The following PTCRA variants were observed in gnomAD, a reference collection of about 807,000 sequenced individuals.
PTCRA encodes pre T cell antigen receptor alpha, also known as pre T-cell antigen receptor alpha.
In PTCRA, 9 loss-of-function variants were observed where a neutral mutation model predicts 13.4. The observed-to-expected ratio is 0.67, with a 90% CI of 0.41 to 1.18. PTCRA has a LOEUF of 1.18. PTCRA is among the 50% of genes most tolerant of loss of function. The probability of loss-of-function intolerance (pLI) is 0.01; values close to 1 mark genes in which losing one functional copy is unlikely to be tolerated. For missense variants in PTCRA, 353 were observed against 359.8 expected (o/e 0.98, Z 0.15); for synonymous variants, 153 against 161.9 (o/e 0.94, Z 0.42).
chr6:42,920,054 C>T (rs1767072076), intron 1 of PTCRA, among the ~76,000 whole-genome samples: 1 of 151,764 alleles, frequency 6.6e-6, no homozygotes, highest in Non-Finnish European at 1.5e-5. Flanking sequence ...GGTGAGGTGG[C>T]TCACGCCTGT....
chr6:42,918,040 G>A lies in PTCRA; in HGVS notation c.58+1913G>A, dbSNP rs144682884. ...GAAGGCCAAGGCGGGCAGATCACTT[G>A]AAGTCAGGAGTTTGAGACCAGCCTG... On this transcript the variant is annotated intron_variant, in intron 1 of 3. Coordinates refer to ENST00000304672, the MANE Select transcript of PTCRA (RefSeq NM_138296.3). Among the ~76,000 whole-genome samples the A allele has an allele frequency of 5.1e-3, 773 of 152,226 alleles. 8 individuals carry two copies. The highest frequency in any genetic ancestry group is 0.018 in the African/African-American group (734 of 41,550).
At chr6:42,917,190 A>ATAT (rs60630405) in intron 1 of PTCRA, among the ~76,000 whole-genome samples, 43,035 of 140,842 alleles carry the variant, frequency 0.31, 7,559 homozygotes, top group Middle Eastern at 0.4. Flanking sequence ...TAACAGCATT[A>ATAT]TATTATTATT....
rs988016453 is a variant in PTCRA, at chr6:42,924,311, G to A, written c.424+38G>A. Reference sequence around the variant, plus strand: ...GGCAAGGGGTGGGGAATAAGAGGCTGGGACCAGGACCTTGGGCCCGGGGGG... The same window carrying A: ...GGCAAGGGGTGGGGAATAAGAGGCTAGGACCAGGACCTTGGGCCCGGGGGG... On this transcript the variant is annotated intron_variant, in intron 3 of 3. Coordinates refer to ENST00000304672, the MANE Select transcript of PTCRA (RefSeq NM_138296.3). The A allele has an allele frequency of 7.5e-6, 12 of 1,601,318 alleles. No individual in the cohort carries two copies. The African/African-American group carries it at 1.6e-4, about 21-fold the overall frequency.
Position 42,916,061 on chromosome 6 carries a change from G to A in PTCRA, c.-9G>A, listed in dbSNP as rs944031288. On this transcript the variant is annotated 5_prime_UTR_variant, in exon 1 of 4. Transcript: ENST00000304672. ...CTGCAGCTGGGTCCTGCCTCCTTCC[G>A]AGTGGGCCATGGCCGGTACATGGCT... is the stretch of plus-strand genomic sequence containing the variant. 96 of 1,613,574 alleles carry A rather than the reference G, an allele frequency of 5.9e-5. No individual in the cohort carries two copies. The highest frequency in any genetic ancestry group is 7.7e-5 in the Non-Finnish European group (91 of 1,179,766).
chr6:42,921,807 G>A (rs772658294), intron 1 of PTCRA, among the ~76,000 whole-genome samples: 1 of 150,454 alleles, frequency 6.6e-6, no homozygotes, highest in Non-Finnish European at 1.5e-5. Flanking sequence ...GCCAGGGCGG[G>A]CAGATCACCT....
chr6:42,925,718 G>A lies in PTCRA; in HGVS notation c.*36G>A. 1 of 1,424,048 alleles carries A rather than the reference G, an allele frequency of 7.0e-7. No individual in the cohort carries two copies. Among genetic ancestry groups the A allele is most frequent in the Non-Finnish European group, 9.4e-7 (1 of 1,061,802 alleles). 88.2% of individuals were successfully genotyped at this position (1,424,048 alleles called of 1,614,324 possible). On this transcript the variant is annotated 3_prime_UTR_variant, in exon 4 of 4. Transcript: ENST00000304672. This position sits in a 1 kb window ranked among gnomAD's most constrained non-coding sequence, Gnocchi z 4.4. ...CTACCTCCCCTGCGTCACACTGTGT[G>A]AGGCTGTGTCTCTGCCATCCAAAAG... is the stretch of plus-strand genomic sequence containing the variant.
rs1488274412 is a variant in PTCRA, at chr6:42,924,936, C to T, written c.425-325C>T. Among the ~76,000 whole-genome samples the T allele has an allele frequency of 4.6e-5, 7 of 151,310 alleles. 1 individual carries two copies. In the South Asian group the frequency reaches 1.5e-3, roughly 32 times the overall value. The stretch of plus-strand genomic sequence containing the variant: ...CAGTGAGATGAGATCGTGCCACTGC[C>T]CTCCAGCCTGGGTGACAGAGTGAGA... On this transcript the variant is annotated intron_variant, in intron 3 of 3. Coordinates refer to ENST00000304672, the MANE Select transcript of PTCRA (RefSeq NM_138296.3).
At chr6:42,924,143 G>A in intron 2 of PTCRA, 86 bp from the exon 3 acceptor site, 5 of 1,223,186 alleles carry the variant, frequency 4.1e-6, no homozygotes, top group South Asian at 2.9e-5. Context: ...CCCACCCTGT[G>A]CCAGGGCCTG....
Position 42,925,344 on chromosome 6 carries a change from AGCT to A in PTCRA, c.511_513del (p.Cys171del). The A allele has an allele frequency of 6.3e-7, 1 of 1,576,050 alleles. No individual in the cohort carries two copies. Among genetic ancestry groups the A allele is most frequent in the Non-Finnish European group, 8.6e-7 (1 of 1,163,922 alleles). ...GCTGTTTGACCTGCTCCTGACCTGC[AGCT>A]GCCTGTGCGACCCCGCGGGCCCGCT... On this transcript the variant is annotated inframe_deletion, in exon 4 of 4. Coordinates refer to ENST00000304672, the MANE Select transcript of PTCRA (RefSeq NM_138296.3). This position sits in a 1 kb window ranked among gnomAD's most constrained non-coding sequence, Gnocchi z 4.4.
intron 1 of PTCRA, chr6:42,922,244 G>C: frequency 1.4e-6 from 1 of 702,668 alleles, no homozygotes; most frequent in South Asian, 1.5e-5. Context: ...TTCCTCACCA[G>C]AGGCTGCCAC....
Position 42,925,328 on chromosome 6 carries a change from C to A in PTCRA, c.492C>A (p.Asp164Glu), listed in dbSNP as rs772757131. Residue 164 changes from aspartate (D) to glutamate (E), a missense_variant, in exon 4 of 4, where the codon GAC becomes GAA. Asp to Glu is a conservative substitution (Grantham distance 45). Transcript: ENST00000304672. The surrounding 1 kb of genome is among the most constrained non-coding windows in gnomAD (Gnocchi z 4.4). ...TGCTCTTCAAGCTGCTGCTGTTTGA[C>A]CTGCTCCTGACCTGCAGCTGCCTGT... ...RLLLFKLLLFDLLLTCSCLCD... is the reference protein window; with the variant it reads ...RLLLFKLLLFELLLTCSCLCD... 6.3e-7 allele frequency: 1 copy of A among 1,584,376 alleles called. No individual in the cohort carries two copies.
intron 1 of PTCRA, among the ~76,000 whole-genome samples, chr6:42,917,216 AT>A (rs1766913405): frequency 1.5e-5 from 2 of 136,454 alleles, no homozygotes; most frequent in African/African-American, 6.5e-5. Context: ...TATTATTATT[AT>A]TATTATTATT....
rs755076613 is a variant in PTCRA, at chr6:42,925,269, G to A, written c.433G>A (p.Gly145Ser). ...GCGGTTCCTCCTCGCAGGGACACCGGGTGGGGCGCTGTGGCTGGGGGTCCT... is the reference window on the plus strand; with the variant it reads ...GCGGTTCCTCCTCGCAGGGACACCGAGTGGGGCGCTGTGGCTGGGGGTCCT... ...CPQEPLRGTP[G>S]GALWLGVLRL... Residue 145 changes from glycine to serine, a missense_variant, in exon 4 of 4, where the codon GGT becomes AGT. Transcript: ENST00000304672. The surrounding 1 kb of genome is among the most constrained non-coding windows in gnomAD (Gnocchi z 4.4). 6.3e-6 allele frequency: 10 copies of A among 1,589,128 alleles called. No homozygotes were observed. In the Middle Eastern group the frequency reaches 5.3e-4, roughly 84 times the overall value.
At chr6:42,919,175 T>C (rs929431410) in intron 1 of PTCRA, among the ~76,000 whole-genome samples, 5 of 151,984 alleles carry the variant, frequency 3.3e-5, no homozygotes, top group African/African-American at 4.8e-5. Flanking sequence ...TTTTGTATTT[T>C]AGTAGAGACG....
rs780382863 is a variant in PTCRA at position 42,923,103 on chromosome 6, G to C, written c.135G>C (p.Val45=). 1.2e-6 allele frequency: 2 copies of C among 1,614,226 alleles called. No individual in the cohort carries two copies. The highest frequency in any genetic ancestry group is 8.5e-7 in the Non-Finnish European group (1 of 1,180,044). Residue 45 remains valine (V), a synonymous_variant, in exon 2 of 4, where the codon GTG becomes GTC. Transcript: ENST00000304672. Reference sequence around the variant, plus strand: ...TGGATGGAAAGCAGCAGATGGTGGTGGTCTGCCTGGTCCTTGATGTTGCAC... The same window carrying C: ...TGGATGGAAAGCAGCAGATGGTGGTCGTCTGCCTGGTCCTTGATGTTGCAC... ...LLVDGKQQMV[V]VCLVLDVAPP...
At chr6:42,917,228 A>ATTATTAT (rs1168723203) in intron 1 of PTCRA, among the ~76,000 whole-genome samples, 1 of 122,860 alleles carries the variant, frequency 8.1e-6, no homozygotes, top group Non-Finnish European at 1.6e-5. Context: ...TATTATTATT[A>ATTATTAT]TTATTTATTT....
In PTCRA at chr6:42,925,811, TA is replaced by T. The variant is rs1374047243; in HGVS notation, c.*135del. 4 of 523,126 alleles carry T rather than the reference TA, an allele frequency of 7.6e-6. No individual in the cohort carries two copies. The highest frequency in any genetic ancestry group is 3.8e-5 in the Admixed American group (1 of 26,278). The allele number at this position is 523,126 out of a possible 1,614,324, so 32.4% of individuals were successfully genotyped here. A position where few individuals can be genotyped will look rare whatever the true frequency, so the allele number is the denominator to read the frequency against. On this transcript the variant is annotated 3_prime_UTR_variant, in exon 4 of 4. Coordinates refer to ENST00000304672, the MANE Select transcript of PTCRA (RefSeq NM_138296.3). This position sits in a 1 kb window ranked among gnomAD's most constrained non-coding sequence, Gnocchi z 4.4. ...TTAGGGAGCAGATGACTGAGAACAT[TA>T]AAAAAGAACTTAAATGACACAGCAA...
rs1435524944 is a variant in PTCRA at position 42,923,098 on chromosome 6, G to T, written c.130G>T (p.Val44Leu). The change falls in exon 2 of 4, where the codon GTG (valine) becomes TTG (leucine). Residue 44 changes from valine (V) to leucine (L), a missense_variant. By Grantham distance (32) the Val-to-Leu change is conservative. Coordinates refer to ENST00000304672, the MANE Select transcript of PTCRA (RefSeq NM_138296.3). ...GCTGGTGGATGGAAAGCAGCAGATGGTGGTGGTCTGCCTGGTCCTTGATGT... is the reference window on the plus strand; with the variant it reads ...GCTGGTGGATGGAAAGCAGCAGATGTTGGTGGTCTGCCTGGTCCTTGATGT... ...MLLVDGKQQM[V>L]VVCLVLDVAP... is the part of the protein sequence containing the mutation. The T allele has an allele frequency of 6.2e-7, 1 of 1,614,140 alleles. No homozygotes were observed. Among genetic ancestry groups the T allele is most frequent in the East Asian group, 2.2e-5 (1 of 44,902 alleles).
chr6:42,920,931 A>G (rs1767124994), intron 1 of PTCRA, among the ~76,000 whole-genome samples: 1 of 149,504 alleles, frequency 6.7e-6, no homozygotes, highest in Non-Finnish European at 1.5e-5. Flanking sequence ...AGTAGCTGGG[A>G]CTACAGGCAC....
Sources: allele counts gnomAD v4.1 joint callset (sites outside exome capture counted in the v4.1 genomes callset), GRCh38; gene constraint gnomAD v4.1.1; non-coding constraint Gnocchi (gnomAD v3.1); transcripts MANE v1.5; gene names NCBI Gene and HGNC (gene_info 2026-07-23, HGNC 2026-07-21).